SPECC1L: variants seen among roughly 807,000 people sequenced by gnomAD.
SPECC1L encodes the protein cytospin-A.
A neutral mutation model predicts 116.8 loss-of-function variants in SPECC1L; 40 were observed. The ratio of observed to expected loss-of-function variants is 0.34; its 90% CI spans 0.27 to 0.45. The LOEUF is 0.45. Ranked by LOEUF, SPECC1L falls within the 20% of genes least tolerant of loss-of-function variation. The pLI, the probability that SPECC1L is intolerant of heterozygous loss-of-function variation, is 1.00. For synonymous variants in SPECC1L, 504 were observed against 500.6 expected, an observed-to-expected ratio of 1.01 and a Z score of -0.09; for missense variants, 1,110 against 1,373.6, an observed-to-expected ratio of 0.81 and a Z score of 3.03.
chr22:24,400,013 A>G (rs1569448498), intron 14 of SPECC1L, among the ~76,000 whole-genome samples: 2 of 152,238 alleles, frequency 1.3e-5, no homozygotes. Flanking sequence ...TATGAGATCC[A>G]CCTAGTGTAT....
chr22:24,318,027 C>G (rs1569418294), intron 4 of SPECC1L, among the ~76,000 whole-genome samples: 1 of 150,596 alleles, frequency 6.6e-6, no homozygotes, highest in Non-Finnish European at 1.5e-5. Flanking sequence ...AGACGCTCCT[C>G]ACTTTCCAGA....
intron 2 of SPECC1L, among the ~76,000 whole-genome samples, chr22:24,296,624 G>C (rs1376299787): frequency 6.6e-6 from 1 of 152,264 alleles, no homozygotes; most frequent in Admixed American, 6.5e-5. Flanking sequence ...CACTGGAAGT[G>C]CTGTGAACTG....
At chr22:24,327,604 T>C (rs2146498700) in intron 6 of SPECC1L, among the ~76,000 whole-genome samples, 1 of 152,280 alleles carries the variant, frequency 6.6e-6, no homozygotes, top group Admixed American at 6.5e-5. Context: ...TATAGTTATG[T>C]TTTCCCTAAT....
chr22:24,318,263 A>C (rs1024086724), intron 4 of SPECC1L, among the ~76,000 whole-genome samples: 1 of 152,248 alleles, frequency 6.6e-6, no homozygotes, highest in Non-Finnish European at 1.5e-5. Context: ...CTCCGTCTGC[A>C]ATCCCGGCAC....
At chr22:24,308,027 C>A (rs929247824) in intron 3 of SPECC1L, among the ~76,000 whole-genome samples, 3 of 151,968 alleles carry the variant, frequency 2.0e-5, no homozygotes, top group African/African-American at 7.3e-5. Flanking sequence ...TCATGATTAT[C>A]ACTTCCCTGT....
intron 2 of SPECC1L, among the ~76,000 whole-genome samples, chr22:24,299,700 T>C (rs192890981): frequency 5.5e-4 from 84 of 151,634 alleles, no homozygotes; most frequent in African/African-American, 1.9e-3. Context: ...GAAAAACTTA[T>C]GGTTTTTTTT....
intron 1 of SPECC1L, among the ~76,000 whole-genome samples, chr22:24,273,561 T>C (rs757218045): frequency 3.4e-4 from 51 of 152,222 alleles, no homozygotes; most frequent in Non-Finnish European, 6.3e-4. Context: ...TTCCTGCTGC[T>C]GTTAGGGAGT....
At chr22:24,364,811 G>T (rs1247797663) in intron 12 of SPECC1L, among the ~76,000 whole-genome samples, 3 of 152,150 alleles carry the variant, frequency 2.0e-5, no homozygotes, top group Non-Finnish European at 4.4e-5. Context: ...GCAGAGCTGA[G>T]TAGTTACAAG....
At chr22:24,398,335 A>G (rs2042406132) in intron 14 of SPECC1L, among the ~76,000 whole-genome samples, 1 of 152,258 alleles carries the variant, frequency 6.6e-6, no homozygotes, top group South Asian at 2.1e-4. Flanking sequence ...GCATATGAGA[A>G]GAGTGAGACT....
chr22:24,350,978 A>G (rs2146578041), intron 11 of SPECC1L, among the ~76,000 whole-genome samples: 1 of 152,224 alleles, frequency 6.6e-6, no homozygotes, highest in Non-Finnish European at 1.5e-5. Context: ...GTGACGCTCC[A>G]TGTTCCAGGT....
At chr22:24,273,261 A>G (rs1056575856) in intron 1 of SPECC1L, among the ~76,000 whole-genome samples, 3 of 152,360 alleles carry the variant, frequency 2.0e-5, no homozygotes, top group South Asian at 2.1e-4. Flanking sequence ...TCATATACAT[A>G]TTTAAATCAC....
chr22:24,285,744 A>C (rs567489175), intron 2 of SPECC1L, among the ~76,000 whole-genome samples: 3 of 151,998 alleles, frequency 2.0e-5, no homozygotes, highest in Non-Finnish European at 4.4e-5. Context: ...CCTGGGTTCA[A>C]GTGATTCTCC....
At chr22:24,271,942 C>G (rs1242014470) in intron 1 of SPECC1L, among the ~76,000 whole-genome samples, 9 of 152,226 alleles carry the variant, frequency 5.9e-5, no homozygotes. Context: ...TGCTGTCACC[C>G]AGTAGGACAC....
At chr22:24,373,442 A>G (rs1364861883) in intron 14 of SPECC1L, among the ~76,000 whole-genome samples, 1 of 152,220 alleles carries the variant, frequency 6.6e-6, no homozygotes, top group Non-Finnish European at 1.5e-5. Flanking sequence ...GACCAATGGA[A>G]CAGAACAGAG....
chr22:24,280,245 G>A (rs2048916292), intron 2 of SPECC1L, among the ~76,000 whole-genome samples: 1 of 152,174 alleles, frequency 6.6e-6, no homozygotes, highest in Non-Finnish European at 1.5e-5. Flanking sequence ...GACGAATGGT[G>A]TTTTGCTTAC....
At position 24,322,054 on chromosome 22, in the gene SPECC1L, G is replaced by A. The variant is rs1164654866; in HGVS notation, c.1074G>A (p.Ser358=). Residue 358 remains serine, a synonymous_variant, in exon 5 of 17, where the codon TCG becomes TCA. Coordinates refer to ENST00000314328, the MANE Select transcript of SPECC1L (RefSeq NM_015330.6). ...ECSEVYQPLT[S]SDDALDAPSS... is the part of the protein sequence containing the mutation. ...GTGAGGTCTACCAGCCCCTCACATC[G>A]AGCGATGATGCGCTGGATGCACCAT... is the stretch of plus-strand genomic sequence containing the variant. The A allele has an allele frequency of 4.3e-6, 7 of 1,614,144 alleles. No homozygotes were observed. Among genetic ancestry groups the A allele is most frequent in the Middle Eastern group, 1.6e-4 (1 of 6,062 alleles).
In SPECC1L at chr22:24,403,617, G is replaced by C. The variant is rs1330280042; in HGVS notation, c.3088-7971G>C. ...AGAGTGGAAGGCCCTTGGCCCTCCA[G>C]CCCCTCCGCTCTTCAGCAAAGTGTA... is the stretch of plus-strand genomic sequence containing the variant. On this transcript the variant is annotated intron_variant, in intron 14 of 16. Coordinates refer to ENST00000314328, the MANE Select transcript of SPECC1L (RefSeq NM_015330.6). 2.6e-5 allele frequency among the ~76,000 whole-genome samples: 4 copies of C among 152,104 alleles called. No individual in the cohort carries two copies. The East Asian group carries it at 7.7e-4, about 29-fold the overall frequency.
intron 4 of SPECC1L, 80 bp from the exon 5 acceptor site, chr22:24,321,208 C>G: frequency 8.0e-7 from 1 of 1,253,444 alleles, no homozygotes; most frequent in Non-Finnish European, 1.1e-6. Flanking sequence ...TCTCATTACA[C>G]CTGGGGCAGG....
intron 10 of SPECC1L, among the ~76,000 whole-genome samples, chr22:24,345,853 GCGAAAT>G (rs1175305216): frequency 6.6e-6 from 1 of 152,152 alleles, no homozygotes; most frequent in East Asian, 1.9e-4. Context: ...AAAGGGCTGG[GCGAAAT>G]CTGTGGGAGT....
Sources: allele counts gnomAD v4.1 joint callset (sites outside exome capture counted in the v4.1 genomes callset), GRCh38; gene constraint gnomAD v4.1.1; transcripts MANE v1.5; gene names NCBI Gene and HGNC (gene_info 2026-07-23, HGNC 2026-07-21).